FHIT: variants seen among roughly 807,000 people sequenced by gnomAD.
FHIT encodes the protein bis(5'-adenosyl)-triphosphatase.
In FHIT, 19 loss-of-function variants were observed where a neutral mutation model predicts 17.9. That is an observed-to-expected ratio of 1.06 (90% CI 0.74 to 1.56). The LOEUF is 1.56. FHIT is among the 40% of genes most tolerant of loss of function. FHIT has a pLI of 0.00. For synonymous variants in FHIT, 81 were observed against 69.7 expected (o/e 1.16, Z -0.81); for missense variants, 248 against 189.2 (o/e 1.31, Z -1.82).
chr3:60,088,986 C>T (rs1703617280), intron 5 of FHIT, among the ~76,000 whole-genome samples: 1 of 152,128 alleles, frequency 6.6e-6, no homozygotes, highest in South Asian at 2.1e-4. Context: ...TTCAGTTTGC[C>T]AAAATCTAGC....
intron 4 of FHIT, among the ~76,000 whole-genome samples, chr3:60,583,202 T>G (rs2037803114): frequency 6.6e-6 from 1 of 151,950 alleles, no homozygotes; most frequent in South Asian, 2.1e-4. Context: ...TTAACAGTTT[T>G]CACAAACTGT....
chr3:60,185,023 C>G (rs182987084), intron 5 of FHIT, among the ~76,000 whole-genome samples: 88 of 152,138 alleles, frequency 5.8e-4, no homozygotes, highest in African/African-American at 2.0e-3. Context: ...ATAACGTGCT[C>G]CAGGCTCATC....
intron 2 of FHIT, among the ~76,000 whole-genome samples, chr3:61,193,896 T>C (rs971850603): frequency 2.6e-5 from 4 of 152,320 alleles, no homozygotes; most frequent in African/African-American, 9.6e-5. Context: ...ATCAAAGTTT[T>C]ATGTGACATA....
intron 5 of FHIT, among the ~76,000 whole-genome samples, chr3:60,385,335 A>C (rs964969272): frequency 1.3e-5 from 2 of 152,218 alleles, no homozygotes; most frequent in South Asian, 2.1e-4. Flanking sequence ...CACAAAATGC[A>C]GTATACATGG....
At chr3:60,417,378 C>T (rs566693340) in intron 5 of FHIT, among the ~76,000 whole-genome samples, 4 of 152,198 alleles carry the variant, frequency 2.6e-5, no homozygotes, top group Non-Finnish European at 5.9e-5. Flanking sequence ...AGAATGAGGT[C>T]GGTCACTTTT....
At chr3:60,606,211 G>A (rs1244963370) in intron 4 of FHIT, among the ~76,000 whole-genome samples, 1 of 151,352 alleles carries the variant, frequency 6.6e-6, no homozygotes, top group East Asian at 1.9e-4. Context: ...TTCAGTTTTG[G>A]TTCCTCAGTC....
intron 2 of FHIT, among the ~76,000 whole-genome samples, chr3:61,065,093 C>G (rs1365972285): frequency 6.6e-6 from 1 of 151,950 alleles, no homozygotes; most frequent in Non-Finnish European, 1.5e-5. Context: ...GGGTACCATC[C>G]AGGCAAACAA....
intron 2 of FHIT, among the ~76,000 whole-genome samples, chr3:61,129,372 C>T (rs1464891806): frequency 2.0e-5 from 3 of 152,114 alleles, no homozygotes; most frequent in Non-Finnish European, 4.4e-5. Context: ...TTCTGTGCAA[C>T]CTGAAATAAG....
chr3:59,947,240 C>A (rs1385925112), intron 7 of FHIT, among the ~76,000 whole-genome samples: 1 of 152,134 alleles, frequency 6.6e-6, no homozygotes, highest in Non-Finnish European at 1.5e-5. Flanking sequence ...TCAATCTTAA[C>A]AGGTTGCATA....
At chr3:60,057,587 T>C (rs915695385) in intron 5 of FHIT, among the ~76,000 whole-genome samples, 8 of 152,124 alleles carry the variant, frequency 5.3e-5, no homozygotes, top group African/African-American at 1.9e-4. Context: ...ATCCCATAGA[T>C]AGTTTTTTGG....
chr3:60,601,260 T>G (rs2038437278), intron 4 of FHIT, among the ~76,000 whole-genome samples: 1 of 152,142 alleles, frequency 6.6e-6, no homozygotes, highest in Admixed American at 6.5e-5. Flanking sequence ...CCACATTTCC[T>G]ACCGCAGTGG....
chr3:60,419,221 G>A (rs1232818882), intron 5 of FHIT, among the ~76,000 whole-genome samples: 2 of 152,122 alleles, frequency 1.3e-5, no homozygotes, highest in Admixed American at 6.6e-5. Context: ...AACAGTGCCC[G>A]TCTCATAAAG....
At chr3:60,447,270 T>A (rs2031405056) in intron 5 of FHIT, among the ~76,000 whole-genome samples, 1 of 152,096 alleles carries the variant, frequency 6.6e-6, no homozygotes. Flanking sequence ...CACAAGCCAC[T>A]CTAATTTAGC....
At chr3:60,031,129 A>T (rs2630143) in intron 5 of FHIT, among the ~76,000 whole-genome samples, 130,800 of 152,166 alleles carry the variant, frequency 0.86, 57,936 homozygotes, top group East Asian at 0.98. Flanking sequence ...AAGCTCAAGA[A>T]GAGTCAACAG....
At chr3:60,453,814 A>G (rs1415791817) in intron 5 of FHIT, among the ~76,000 whole-genome samples, 1 of 152,192 alleles carries the variant, frequency 6.6e-6, no homozygotes, top group African/African-American at 2.4e-5. Flanking sequence ...TTTTTGTATT[A>G]TCATAAGTGT....
chr3:60,957,834 CTATT>C (rs1709243123), intron 3 of FHIT, among the ~76,000 whole-genome samples: 1 of 152,236 alleles, frequency 6.6e-6, no homozygotes, highest in Admixed American at 6.5e-5. Flanking sequence ...GCACAACTGT[CTATT>C]TATCTCTTCC....
intron 4 of FHIT, among the ~76,000 whole-genome samples, chr3:60,581,475 C>G (rs184633235): frequency 2.7e-4 from 41 of 152,062 alleles, no homozygotes; most frequent in African/African-American, 9.4e-4. Flanking sequence ...CTTAAGAACT[C>G]TAGGAGGTAG....
chr3:60,411,725 A>T (rs1305538544), intron 5 of FHIT, among the ~76,000 whole-genome samples: 1 of 152,200 alleles, frequency 6.6e-6, no homozygotes, highest in East Asian at 1.9e-4. Context: ...TTAACAAAAA[A>T]GAAAATGCTT....
chr3:59,755,077 G>GTAGA (rs916811754), intron 8 of FHIT, among the ~76,000 whole-genome samples: 7 of 152,312 alleles, frequency 4.6e-5, no homozygotes, highest in East Asian at 1.9e-4. Flanking sequence ...GGAGAAGTGT[G>GTAGA]TAGATAGAGC....
Sources: allele counts gnomAD v4.1 joint callset (sites outside exome capture counted in the v4.1 genomes callset), GRCh38; gene constraint gnomAD v4.1.1; transcripts MANE v1.5; gene names NCBI Gene and HGNC (gene_info 2026-07-23, HGNC 2026-07-21).